The following DNHD1 variants were observed in gnomAD, a reference collection of about 807,000 sequenced individuals.
DNHD1 encodes dynein heavy chain domain 1.
In DNHD1, 383 loss-of-function variants were observed where a neutral mutation model predicts 458.1. That is an observed-to-expected ratio of 0.84 (90% CI 0.77 to 0.91). DNHD1 has a LOEUF of 0.91. Ranked by LOEUF, DNHD1 falls within the 40% of genes least tolerant of loss-of-function variation. The pLI is 0.00. For synonymous variants in DNHD1, 2,203 were observed against 2,376.9 expected, an observed-to-expected ratio of 0.93 and a Z score of 2.13; for missense variants, 5,336 against 5,866.1, an observed-to-expected ratio of 0.91 and a Z score of 2.95.
Position 6,571,426 on chromosome 11 carries a change from A to T in DNHD1, c.13911+3A>T. ...ACAGCAACCCTCTGCACTTCAGGGT[A>T]TCTTCGCGCCGCCCCTCGTTCGCGG... On this transcript the variant is annotated splice_donor_region_variant and intron_variant, in intron 42 of 42. Coordinates refer to ENST00000254579, the MANE Select transcript of DNHD1 (RefSeq NM_144666.3). This position sits in a 1 kb window ranked among gnomAD's most constrained non-coding sequence, Gnocchi z 5.0. 1 of 1,582,086 alleles carries T rather than the reference A, an allele frequency of 6.3e-7. No homozygotes were observed. The highest frequency in any genetic ancestry group is 8.6e-7 in the Non-Finnish European group (1 of 1,159,620).
rs780991568 is a variant in DNHD1, at chr11:6,571,071, G to T, written c.13559G>T (p.Arg4520Leu). The change falls in exon 42 of 43, where the codon CGC becomes CTC. Residue 4520 changes from arginine (R) to leucine (L), a missense_variant. This residue lies in a region of DNHD1 where 698 missense variants were observed against 664.9 expected (regional missense o/e 1.05). Coordinates refer to ENST00000254579, the MANE Select transcript of DNHD1 (RefSeq NM_144666.3). The surrounding 1 kb of genome is among the most constrained non-coding windows in gnomAD (Gnocchi z 5.0). ...GGCGCACCCCCGTGCCCCTCCCGCC[G>T]CTGTGCTGCGGTGGCCCACGCTCTC... is the stretch of plus-strand genomic sequence containing the variant. ...LKGAPPCPSR[R>L]CAAVAHALWT... 53 of 1,583,072 alleles carry T rather than the reference G, an allele frequency of 3.3e-5. No homozygotes were observed. Among genetic ancestry groups the T allele is most frequent in the South Asian group, 5.7e-5 (5 of 87,806 alleles).
At position 6,558,227 on chromosome 11, in the gene DNHD1, A is replaced by T; in HGVS notation, c.8932A>T (p.Ile2978Phe). ...GQYTEADLDRIGEHLPRENLG... is the reference protein window; with the variant it reads ...GQYTEADLDRFGEHLPRENLG... ...GTACACAGAAGCAGATTTGGACCGC[A>T]TTGGAGAACACCTCCCCAGGGAGAA... The change falls in exon 25 of 43, where the codon ATT becomes TTT. Residue 2978 changes from isoleucine to phenylalanine, a missense_variant. Physicochemically the swap from Ile to Phe is conservative, Grantham distance 21. Around this residue, in one of 4 missense-constraint regions of DNHD1, gnomAD observed 3,932 missense variants for 4,365.6 expected, o/e 0.90. Transcript: ENST00000254579. 1 of 1,551,730 alleles carries T rather than the reference A, an allele frequency of 6.4e-7. No homozygotes were observed. The highest frequency in any genetic ancestry group is 8.7e-7 in the Non-Finnish European group (1 of 1,146,998).
intron 32 of DNHD1, 140 bp downstream of exon 32, chr11:6,564,944 G>A: frequency 1.4e-6 from 1 of 716,958 alleles, no homozygotes; most frequent in Non-Finnish European, 2.3e-6. Context: ...CTATACTATA[G>A]GAACAAATTT....
intron 14 of DNHD1, among the ~76,000 whole-genome samples, chr11:6,534,531 C>T (rs528933984): frequency 6.6e-6 from 1 of 152,230 alleles, no homozygotes; most frequent in African/African-American, 2.4e-5. Context: ...CAGTCCTACA[C>T]CAGGCAGCAG....
chr11:6,549,070 C>T (rs1853281617), intron 24 of DNHD1, 137 bp downstream of exon 24: 2 of 953,534 alleles, frequency 2.1e-6, no homozygotes, highest in South Asian at 1.7e-5. Context: ...TCTTCTCATT[C>T]TACATATGCT....
Position 6,557,115 on chromosome 11 carries a change from G to A in DNHD1, c.7820G>A (p.Arg2607Lys), listed in dbSNP as rs1853480041. ...AGCAGCCTGCAGCTGCTGCCCAACA[G>A]AACAGGCTCCCGAGGTTTTGTGGAC... ...LLSSLQLLPNRTGSRGFVDYP... is the reference protein window; with the variant it reads ...LLSSLQLLPNKTGSRGFVDYP... The change falls in exon 25 of 43, where the codon AGA (arginine) becomes AAA (lysine). Residue 2607 changes from arginine (R) to lysine (K), a missense_variant. Physicochemically the swap from Arg to Lys is conservative, Grantham distance 26 (BLOSUM62 2). Coordinates refer to ENST00000254579, the MANE Select transcript of DNHD1 (RefSeq NM_144666.3). The A allele has an allele frequency of 6.4e-7, 1 of 1,551,742 alleles. No homozygotes were observed. Among genetic ancestry groups the A allele is most frequent in the South Asian group, 1.2e-5 (1 of 84,058 alleles).
At chr11:6,517,768 C>A (rs747961354) in intron 7 of DNHD1, among the ~76,000 whole-genome samples, 49 of 145,490 alleles carry the variant, frequency 3.4e-4, no homozygotes, top group Non-Finnish European at 5.7e-4. Flanking sequence ...AATACCGTCA[C>A]CTTATGGGTT....
At position 6,570,649 on chromosome 11, in the gene DNHD1, C is replaced by G. The variant is rs1458949194; in HGVS notation, c.13137C>G (p.Cys4379Trp). ...GGGAGCTGGATGCAATGGCAGAGTG[C>G]AAGGCCCAGATGCACCTACTGCCCT... ...ELRELDAMAE[C>W]KAQMHLLPSP... The change falls in exon 42 of 43, where the codon TGC becomes TGG. Residue 4379 changes from cysteine (C) to tryptophan (W), a missense_variant. Around this residue, in one of 4 missense-constraint regions of DNHD1, gnomAD observed 698 missense variants for 664.9 expected, o/e 1.05. Transcript: ENST00000254579. 3.1e-6 allele frequency: 5 copies of G among 1,611,236 alleles called. No individual in the cohort carries two copies. Among genetic ancestry groups the G allele is most frequent in the Non-Finnish European group, 4.2e-6 (5 of 1,178,852 alleles).
chr11:6,563,947 T>G lies in DNHD1; in HGVS notation c.10107T>G (p.Phe3369Leu). 1 of 1,551,704 alleles carries G rather than the reference T, an allele frequency of 6.4e-7. No homozygotes were observed. Among genetic ancestry groups the G allele is most frequent in the Non-Finnish European group, 8.7e-7 (1 of 1,147,000 alleles). The part of the protein sequence containing the change: ...REQARLGYYQ[F>L]QAQETLEHNL... The stretch of plus-strand genomic sequence containing the variant: ...AGGCCCGCCTGGGCTACTACCAGTT[T>G]CAGGCCCAGGAGACCCTGGAGCATA... The change falls in exon 31 of 43, where the codon TTT becomes TTG. Residue 3369 changes from phenylalanine (F) to leucine (L), a missense_variant. Physicochemically the swap from Phe to Leu is conservative, Grantham distance 22 (BLOSUM62 0). Coordinates refer to ENST00000254579, the MANE Select transcript of DNHD1 (RefSeq NM_144666.3).
rs1852573086 is a variant in DNHD1 at position 6,520,027 on chromosome 11, T to A, written c.1710T>A (p.Ser570=). ...TCTTTGATGATCATGGTCAACTGTCTCATGTGCCCTGTGTTGAAAATATGA... is the reference window on the plus strand; with the variant it reads ...TCTTTGATGATCATGGTCAACTGTCACATGTGCCCTGTGTTGAAAATATGA... ...QLVFDDHGQL[S]HVPCVENMIQ... The change falls in exon 9 of 43, where the codon TCT becomes TCA. Residue 570 remains serine (S), a synonymous_variant. Coordinates refer to ENST00000254579, the MANE Select transcript of DNHD1 (RefSeq NM_144666.3). 2 of 1,614,040 alleles carry A rather than the reference T, an allele frequency of 1.2e-6. No individual in the cohort carries two copies. Among genetic ancestry groups the A allele is most frequent in the East Asian group, 2.2e-5 (1 of 44,892 alleles).
At chr11:6,521,933 T>C (rs375788208) in intron 10 of DNHD1, among the ~76,000 whole-genome samples, 8 of 152,066 alleles carry the variant, frequency 5.3e-5, no homozygotes, top group African/African-American at 1.9e-4. Flanking sequence ...CCGAGGCTGG[T>C]CGTGAACTCC....
Position 6,564,139 on chromosome 11 carries a change from C to T in DNHD1, c.10284+15C>T, listed in dbSNP as rs752604448. ...CACAGCTCCAGGTAACCATCCCCCT[C>T]CCAGATGTCTCCCCCAAAGTTCCTT... On this transcript the variant is annotated intron_variant, in intron 31 of 42. Coordinates refer to ENST00000254579, the MANE Select transcript of DNHD1 (RefSeq NM_144666.3). 9 of 1,544,974 alleles carry T rather than the reference C, an allele frequency of 5.8e-6. No homozygotes were observed. The South Asian group carries it at 9.5e-5, about 16-fold the overall frequency.
intron 17 of DNHD1, 25 bp from the exon 18 acceptor site, chr11:6,539,851 G>C (rs774248271): frequency 6.4e-7 from 1 of 1,550,546 alleles, no homozygotes; most frequent in Non-Finnish European, 8.7e-7. Context: ...ACCCAGTCCT[G>C]GTTCCTGAGA....
At chr11:6,500,046 C>T (rs1852104311) in intron 3 of DNHD1, among the ~76,000 whole-genome samples, 1 of 151,518 alleles carries the variant, frequency 6.6e-6, no homozygotes, top group African/African-American at 2.4e-5. Flanking sequence ...CTCACTGCAA[C>T]CTCTGCCTCA....
intron 10 of DNHD1, among the ~76,000 whole-genome samples, chr11:6,526,653 T>C (rs958149155): frequency 1.3e-5 from 2 of 152,210 alleles, no homozygotes; most frequent in Non-Finnish European, 2.9e-5. Flanking sequence ...TTCCCTCCCC[T>C]ACCTTCATCT....
chr11:6,525,683 A>C lies in DNHD1; in HGVS notation c.1838-2839A>C, dbSNP rs144107774. 2.7e-3 allele frequency among the ~76,000 whole-genome samples: 410 copies of C among 152,304 alleles called. 5 individuals carry two copies. Among genetic ancestry groups the C allele is most frequent in the African/African-American group, 8.9e-3 (368 of 41,566 alleles). Reference sequence around the variant, plus strand: ...TCTGAAGTTCTTCTATGTTGATAACAATTTGTACCTTTTGAAAGTTAGTGT... The same window carrying C: ...TCTGAAGTTCTTCTATGTTGATAACCATTTGTACCTTTTGAAAGTTAGTGT... On this transcript the variant is annotated intron_variant, in intron 10 of 42. Coordinates refer to ENST00000254579, the MANE Select transcript of DNHD1 (RefSeq NM_144666.3).
In DNHD1 at chr11:6,567,156, G is replaced by GCAGT. The variant is rs756524002; in HGVS notation, c.11650_11653dup (p.Thr3885SerfsTer3). 3.1e-6 allele frequency: 5 copies of GCAGT among 1,614,010 alleles called. No individual in the cohort carries two copies. The South Asian group carries it at 5.5e-5, about 18-fold the overall frequency. On this transcript the variant is annotated frameshift_variant, in exon 36 of 43. Coordinates refer to ENST00000254579, the MANE Select transcript of DNHD1 (RefSeq NM_144666.3). LOFTEE classifies it high-confidence loss of function. ...CTGTATGAGCCCAGAGAACTGGCTG[G>GCAGT]CAGTCACTAAGCAGGCTCTGGACAG...
At chr11:6,568,269 C>T (rs1474837222) in intron 37 of DNHD1, 27 bp downstream of exon 37, 2 of 1,537,954 alleles carry the variant, frequency 1.3e-6, no homozygotes, top group Non-Finnish European at 1.8e-6. Context: ...GATTGGCTTC[C>T]AGGATCCTAT....
chr11:6,544,256 G>A lies in DNHD1; in HGVS notation c.3754+10G>A. On this transcript the variant is annotated intron_variant, in intron 19 of 42. Transcript: ENST00000254579. ...ATCATGCATGGCCTGGGTAAGTGCA[G>A]GCCTCTAGCCAGGCTGATGGGTGAG... The A allele has an allele frequency of 2.6e-6, 4 of 1,551,480 alleles. No homozygotes were observed. Among genetic ancestry groups the A allele is most frequent in the Non-Finnish European group, 3.5e-6 (4 of 1,146,952 alleles).
Sources: gnomAD v4.1 joint callset for allele counts (sites outside exome capture counted in the v4.1 genomes callset) on GRCh38, gnomAD v4.1.1 for gene constraint, gnomAD v4.1.1 regional missense constraint, Gnocchi (gnomAD v3.1) non-coding constraint, MANE v1.5 for transcripts, NCBI Gene and HGNC (gene_info 2026-07-23, HGNC 2026-07-21) for gene names.